The following ARHGAP28 variants were observed in gnomAD, a reference collection of about 807,000 sequenced individuals.
ARHGAP28 encodes Rho GTPase activating protein 28.
In ARHGAP28, 56 loss-of-function variants were observed where a neutral mutation model predicts 90.7. The observed-to-expected ratio is 0.62, with a 90% CI of 0.50 to 0.77. The LOEUF is 0.77. Ranked by LOEUF, ARHGAP28 falls within the 30% of genes least tolerant of loss-of-function variation. ARHGAP28 has a pLI of 0.00. For missense variants in ARHGAP28, 869 were observed against 900.9 expected (o/e 0.96, Z 0.45); for synonymous variants, 308 against 323.3 (o/e 0.95, Z 0.51).
At chr18:6,873,154 G>A (rs1008754809) in intron 7 of ARHGAP28, among the ~76,000 whole-genome samples, 6 of 152,186 alleles carry the variant, frequency 3.9e-5, no homozygotes, top group Non-Finnish European at 7.3e-5. Context: ...TTATAAAGAA[G>A]GCAGTTTCCA....
At chr18:6,767,290 A>G (rs1490641018) in intron 1 of ARHGAP28, among the ~76,000 whole-genome samples, 1 of 152,096 alleles carries the variant, frequency 6.6e-6, no homozygotes, top group Non-Finnish European at 1.5e-5. Context: ...TTTATTTATT[A>G]CATGTCATAA....
At chr18:6,836,866 T>A (rs73384520) in intron 2 of ARHGAP28, among the ~76,000 whole-genome samples, 1 of 152,162 alleles carries the variant, frequency 6.6e-6, no homozygotes, top group African/African-American at 2.4e-5. Flanking sequence ...CATTAAGTAA[T>A]GGGTTTTTTC....
chr18:6,815,381 A>G (rs981497617), intron 1 of ARHGAP28, among the ~76,000 whole-genome samples: 1 of 152,228 alleles, frequency 6.6e-6, no homozygotes, highest in Non-Finnish European at 1.5e-5. Flanking sequence ...CCTTTCCTTA[A>G]GAATATTTGA....
chr18:6,772,376 T>G (rs1440349705), intron 1 of ARHGAP28, among the ~76,000 whole-genome samples: 1 of 152,248 alleles, frequency 6.6e-6, no homozygotes, highest in Non-Finnish European at 1.5e-5. Context: ...GGGATGTTTC[T>G]CTATAGAAAA....
Position 6,751,081 on chromosome 18 carries a change from C to T in ARHGAP28, c.122+21138C>T, listed in dbSNP as rs140338521. The stretch of plus-strand genomic sequence containing the variant: ...AGAAGTCAGGGTTTATCTTTCTGAT[C>T]TCAGTACCTAGCAACGTACCCTAGA... On this transcript the variant is annotated intron_variant, in intron 1 of 17. Coordinates refer to ENST00000383472, the MANE Select transcript of ARHGAP28 (RefSeq NM_001366230.1). Among the ~76,000 whole-genome samples, 337 of 152,176 alleles carry T rather than the reference C, an allele frequency of 2.2e-3. 3 individuals carry two copies. The Middle Eastern group carries it at 0.027, about 12-fold the overall frequency.
intron 1 of ARHGAP28, among the ~76,000 whole-genome samples, chr18:6,809,020 C>T (rs2056538308): frequency 6.6e-6 from 1 of 152,188 alleles, no homozygotes; most frequent in African/African-American, 2.4e-5. Flanking sequence ...AACTCGCCTT[C>T]CTGAGCTTTG....
At chr18:6,864,982 A>T (rs1461804439) in intron 5 of ARHGAP28, among the ~76,000 whole-genome samples, 1 of 152,138 alleles carries the variant, frequency 6.6e-6, no homozygotes, top group Non-Finnish European at 1.5e-5. Context: ...CCCCATTCCT[A>T]TGCATGCCTA....
At chr18:6,836,605 A>G (rs980100591) in intron 2 of ARHGAP28, among the ~76,000 whole-genome samples, 4 of 152,076 alleles carry the variant, frequency 2.6e-5, no homozygotes, top group African/African-American at 9.7e-5. Flanking sequence ...ATATGGAGGA[A>G]TTGGGAGGAG....
intron 17 of ARHGAP28, among the ~76,000 whole-genome samples, chr18:6,911,535 A>T (rs1345483881): frequency 1.3e-5 from 2 of 151,968 alleles, no homozygotes; most frequent in Non-Finnish European, 2.9e-5. Flanking sequence ...TCCCAGGTTC[A>T]AGTGATTCTC....
chr18:6,824,658 T>G, intron 1 of ARHGAP28, 104 bp from the exon 2 acceptor site: 2 of 1,046,290 alleles, frequency 1.9e-6, no homozygotes, highest in Non-Finnish European at 1.3e-6. Flanking sequence ...CACTTCTCCA[T>G]TTGATTTAAA....
intron 3 of ARHGAP28, chr18:6,850,799 T>C (rs1348625224): frequency 1.3e-6 from 2 of 1,521,836 alleles, no homozygotes; most frequent in East Asian, 2.5e-5. Context: ...GGCAGGAAGC[T>C]AGCAGAGTTT....
intron 10 of ARHGAP28, among the ~76,000 whole-genome samples, chr18:6,881,786 C>T (rs1488627915): frequency 1.3e-5 from 2 of 152,060 alleles, no homozygotes; most frequent in Admixed American, 6.5e-5. Flanking sequence ...AGAGGGGGAA[C>T]GGAGACTTTG....
intron 11 of ARHGAP28, among the ~76,000 whole-genome samples, chr18:6,885,802 G>GT (rs11415807): frequency 0.35 from 50,257 of 141,612 alleles, 8,928 homozygotes; most frequent in Non-Finnish European, 0.39. Context: ...CCCCAGAGTT[G>GT]TTTTTTTTTT....
chr18:6,882,467 T>C (rs1014538801), intron 11 of ARHGAP28, 168 bp downstream of exon 11: 5 of 562,832 alleles, frequency 8.9e-6, no homozygotes, highest in East Asian at 6.1e-5. Flanking sequence ...TACATACTTA[T>C]ATACTTAAGC....
At chr18:6,904,384 A>T (rs2057354078) in intron 16 of ARHGAP28, among the ~76,000 whole-genome samples, 1 of 152,158 alleles carries the variant, frequency 6.6e-6, no homozygotes, top group African/African-American at 2.4e-5. Context: ...ACAGAGTGAG[A>T]CTCCGTCTCA....
chr18:6,894,965 T>G (rs1831377946), intron 15 of ARHGAP28, 74 bp downstream of exon 15: 1 of 1,371,512 alleles, frequency 7.3e-7, no homozygotes, highest in Admixed American at 1.7e-5. Flanking sequence ...ACCACATTTA[T>G]GTATAATGTT....
chr18:6,757,313 G>A (rs143638129), intron 1 of ARHGAP28, among the ~76,000 whole-genome samples: 60 of 152,180 alleles, frequency 3.9e-4, no homozygotes, highest in Non-Finnish European at 6.8e-4. Context: ...AGGAAAATAG[G>A]GGGCAGGGCA....
At chr18:6,839,326 C>T (rs959634466) in intron 3 of ARHGAP28, among the ~76,000 whole-genome samples, 2 of 148,028 alleles carry the variant, frequency 1.4e-5, no homozygotes, top group Non-Finnish European at 3.0e-5. Context: ...CAGCGTCTCG[C>T]TCTGTCGCCC....
chr18:6,802,526 A>C (rs1416284525), intron 1 of ARHGAP28, among the ~76,000 whole-genome samples: 1 of 151,458 alleles, frequency 6.6e-6, no homozygotes, highest in Non-Finnish European at 1.5e-5. Context: ...TTGTATTTTT[A>C]ATAGAGACGG....
Sources: gnomAD v4.1 joint callset for allele counts (sites outside exome capture counted in the v4.1 genomes callset) on GRCh38, gnomAD v4.1.1 for gene constraint, MANE v1.5 for transcripts, NCBI Gene and HGNC (gene_info 2026-07-23, HGNC 2026-07-21) for gene names.